Variants in MBNL2 observed in about 807,000 individuals in gnomAD.
MBNL2 encodes the protein muscleblind like splicing regulator 2, also known as muscleblind-like protein 2.
MBNL2 carries 17 observed loss-of-function variants against 41.9 expected under a neutral mutation model. That is an observed-to-expected ratio of 0.41 (90% CI 0.28 to 0.61). MBNL2 has a LOEUF of 0.61. MBNL2 is among the 20% of genes least tolerant of loss of function. The pLI is 0.35. For synonymous variants in MBNL2, 195 were observed against 182.9 expected (o/e 1.07, Z -0.53); for missense variants, 336 against 505.6 (o/e 0.66, Z 3.22).
In MBNL2 at chr13:97,268,357, C is replaced by T. The variant is rs551638771; in HGVS notation, c.-604-7275C>T. On this transcript the variant is annotated intron_variant, in intron 1 of 8. Transcript: ENST00000679496. The surrounding 1 kb of genome is among the most constrained non-coding windows in gnomAD (Gnocchi z 4.6). ...CTTCAAATGATCCATCTGCCTCGGC[C>T]TCCCAAACGCTGGGATTACAGGTGT... 2.6e-5 allele frequency among the ~76,000 whole-genome samples: 4 copies of T among 152,320 alleles called. No homozygotes were observed. In the South Asian group the frequency reaches 8.3e-4, roughly 32 times the overall value.
chr13:97,242,929 G>A (rs1208273246), intron 1 of MBNL2, among the ~76,000 whole-genome samples: 4 of 152,184 alleles, frequency 2.6e-5, no homozygotes, highest in African/African-American at 9.7e-5. Flanking sequence ...AATGAAAGCC[G>A]ACTGAGCAGG....
chr13:97,269,681 G>A (rs866786473), intron 1 of MBNL2, among the ~76,000 whole-genome samples: 1 of 152,194 alleles, frequency 6.6e-6, no homozygotes, highest in East Asian at 1.9e-4. Context: ...TAAGGTTTTT[G>A]TAGTGACACT....
chr13:97,286,963 T>A (rs1329793941), intron 2 of MBNL2, among the ~76,000 whole-genome samples: 2 of 152,240 alleles, frequency 1.3e-5, no homozygotes, highest in Admixed American at 1.3e-4. Flanking sequence ...AGCTACTGGC[T>A]GTACACCCAT....
chr13:97,363,096 A>C (rs1462023988), intron 7 of MBNL2: 1 of 152,254 alleles, frequency 6.6e-6, no homozygotes, highest in South Asian at 2.1e-4. Flanking sequence ...TAGTATGGCC[A>C]TAGACCGAGG....
intron 8 of MBNL2, among the ~76,000 whole-genome samples, chr13:97,381,175 A>AT (rs1161693079): frequency 5.3e-5 from 8 of 151,896 alleles, no homozygotes; most frequent in Admixed American, 4.6e-4. Context: ...AAAAACACTA[A>AT]TTTTTTTGCT....
At position 97,383,931 on chromosome 13, in the gene MBNL2, G is replaced by A. The variant is rs576939195; in HGVS notation, c.1049-7391G>A. Among the ~76,000 whole-genome samples, 156 of 147,164 alleles carry A rather than the reference G, an allele frequency of 1.1e-3. 1 individual carries two copies. Among genetic ancestry groups the A allele is most frequent in the African/African-American group, 3.9e-3 (152 of 39,432 alleles). ...TTTTTTTTTTTTGAGCGGGAGTCTC[G>A]TCCTGTTGCCCAGGCTGGAGTGTGG... is the stretch of plus-strand genomic sequence containing the variant. On this transcript the variant is annotated intron_variant, in intron 8 of 8. Coordinates refer to ENST00000679496, the MANE Select transcript of MBNL2 (RefSeq NM_001382683.1).
At position 97,260,026 on chromosome 13, in the gene MBNL2, G is replaced by GA. The variant is rs1396111855; in HGVS notation, c.-604-15602dup. Among the ~76,000 whole-genome samples the GA allele has an allele frequency of 2.0e-5, 3 of 152,292 alleles. No individual in the cohort carries two copies. In the East Asian group the frequency reaches 5.8e-4, roughly 29 times the overall value. On this transcript the variant is annotated intron_variant, in intron 1 of 8. Coordinates refer to ENST00000679496, the MANE Select transcript of MBNL2 (RefSeq NM_001382683.1). ...CAGACATTACAGTCTGGTTGAGAGA[G>GA]AAAATGCACAGATAAACAAGTATGC... is the stretch of plus-strand genomic sequence containing the variant.
chr13:97,299,446 A>G (rs910929209), intron 2 of MBNL2, among the ~76,000 whole-genome samples: 1 of 152,144 alleles, frequency 6.6e-6, no homozygotes, highest in South Asian at 2.1e-4. Flanking sequence ...CAATTTGTAA[A>G]TATATATTAA....
the MBNL2 span, among the ~76,000 whole-genome samples, chr13:97,155,666 G>A: frequency 3.3e-5 from 5 of 151,200 alleles, no homozygotes; most frequent in Admixed American, 6.6e-5. Context: ...TTGTTCTTGC[G>A]ATAGTTTACT....
At chr13:97,144,929 A>G in the MBNL2 span, among the ~76,000 whole-genome samples, 1 of 152,226 alleles carries the variant, frequency 6.6e-6, no homozygotes, top group Non-Finnish European at 1.5e-5. Context: ...AGTGGTACTC[A>G]TTAGGCGAAT....
chr13:97,307,937 A>G (rs745306143), intron 2 of MBNL2, among the ~76,000 whole-genome samples: 15 of 152,242 alleles, frequency 9.9e-5, no homozygotes, highest in Admixed American at 1.3e-4. Flanking sequence ...ATAACAGTCA[A>G]TGATGAGAAT....
chr13:97,385,954 G>T (rs145603015), intron 8 of MBNL2, among the ~76,000 whole-genome samples: 4 of 152,162 alleles, frequency 2.6e-5, no homozygotes, highest in South Asian at 2.1e-4. Flanking sequence ...TTTTTTGAGC[G>T]CACATCATGA....
intron 8 of MBNL2, 39 bp downstream of exon 8, chr13:97,365,210 T>A (rs765523913): frequency 7.8e-7 from 1 of 1,287,120 alleles, no homozygotes; most frequent in Non-Finnish European, 1.1e-6. Context: ...TTATATGATG[T>A]ACAATACCTT....
upstream of MBNL2, among the ~76,000 whole-genome samples, chr13:97,218,582 C>T (rs188588288): frequency 6.5e-4 from 99 of 152,194 alleles, no homozygotes; most frequent in Non-Finnish European, 1.2e-3. Flanking sequence ...CTCTGGCCAC[C>T]TCCTTTACTT....
chr13:97,160,647 G>T, the MBNL2 span, among the ~76,000 whole-genome samples: 55 of 152,122 alleles, frequency 3.6e-4, no homozygotes, highest in African/African-American at 1.3e-3. Flanking sequence ...GCTACTCATC[G>T]CTTTGTTAGA....
At chr13:97,312,522 A>G (rs898437713) in intron 2 of MBNL2, among the ~76,000 whole-genome samples, 1 of 152,202 alleles carries the variant, frequency 6.6e-6, no homozygotes, top group Non-Finnish European at 1.5e-5. Context: ...TATCATTGCA[A>G]AATTCCTGGA....
At chr13:97,153,642 T>C in the MBNL2 span, among the ~76,000 whole-genome samples, 60 of 152,314 alleles carry the variant, frequency 3.9e-4, 1 homozygote, top group Non-Finnish European at 8.1e-4. Context: ...TTTATAAGGC[T>C]ACAATTATCT....
At chr13:97,146,329 A>G in the MBNL2 span, among the ~76,000 whole-genome samples, 1 of 152,132 alleles carries the variant, frequency 6.6e-6, no homozygotes, top group Non-Finnish European at 1.5e-5. Flanking sequence ...AGTTTTGCCA[A>G]CAACAGATCC....
intron 2 of MBNL2, among the ~76,000 whole-genome samples, chr13:97,322,507 T>C (rs1055884914): frequency 2.0e-5 from 3 of 152,186 alleles, no homozygotes; most frequent in Non-Finnish European, 4.4e-5. Context: ...AAGTTGAAAA[T>C]GCATTTTCAA....
Sources: gnomAD v4.1 joint callset for allele counts (sites outside exome capture counted in the v4.1 genomes callset) on GRCh38, gnomAD v4.1.1 for gene constraint, Gnocchi (gnomAD v3.1) non-coding constraint, MANE v1.5 for transcripts, NCBI Gene and HGNC (gene_info 2026-07-23, HGNC 2026-07-21) for gene names.